USP28: variants seen among roughly 807,000 people sequenced by gnomAD.
USP28 encodes the protein ubiquitin carboxyl-terminal hydrolase 28.
USP28 carries 113 observed loss-of-function variants against 145.0 expected under a neutral mutation model. The observed-to-expected ratio is 0.78, with a 90% CI of 0.67 to 0.91. The LOEUF is 0.91. Among genes scored for constraint, USP28 ranks in the 40% least tolerant of loss-of-function variants. The pLI is 0.00. For missense variants in USP28, 1,201 were observed against 1,289.6 expected (o/e 0.93, Z 1.05); for synonymous variants, 447 against 450.9 (o/e 0.99, Z 0.11).
chr11:113,809,394 CTGA>C, intron 16 of USP28, 140 bp from the exon 17 acceptor site: 1 of 811,936 alleles, frequency 1.2e-6, no homozygotes, highest in South Asian at 1.9e-5. Flanking sequence ...GAAATGCAGG[CTGA>C]GTATCTCTTA....
chr11:113,814,897 A>T (rs1391332269), intron 14 of USP28, among the ~76,000 whole-genome samples: 1 of 151,988 alleles, frequency 6.6e-6, no homozygotes, highest in Admixed American at 6.6e-5. Context: ...AAAAAAAAAA[A>T]AAAAATCAGC....
chr11:113,831,125 A>C, intron 8 of USP28, 182 bp from the exon 9 acceptor site: 1 of 615,682 alleles, frequency 1.6e-6, no homozygotes, highest in Non-Finnish European at 2.9e-6. Context: ...TCTTTCGAGC[A>C]TTGTGCTAAA....
intron 5 of USP28, among the ~76,000 whole-genome samples, chr11:113,837,617 C>T (rs188026707): frequency 6.6e-6 from 1 of 152,302 alleles, no homozygotes; most frequent in East Asian, 1.9e-4. Flanking sequence ...CAGTTCCTTC[C>T]TATCTTCATT....
intron 1 of USP28, among the ~76,000 whole-genome samples, chr11:113,868,399 G>A (rs1384619232): frequency 1.3e-5 from 2 of 150,452 alleles, no homozygotes; most frequent in African/African-American, 2.4e-5. Flanking sequence ...TGCCTATGAG[G>A]GTTCAATGAA....
chr11:113,871,170 C>T (rs1224103021), intron 1 of USP28, among the ~76,000 whole-genome samples: 1 of 152,108 alleles, frequency 6.6e-6, no homozygotes, highest in Non-Finnish European at 1.5e-5. Flanking sequence ...GGTCATTGAA[C>T]ACAGAGCTGG....
chr11:113,854,150 G>T, intron 2 of USP28, 108 bp downstream of exon 2: 3 of 968,024 alleles, frequency 3.1e-6, no homozygotes, highest in Non-Finnish European at 1.6e-6. Context: ...TAGAGCTTCT[G>T]TCCCTATATG....
intron 7 of USP28, 89 bp downstream of exon 7, chr11:113,833,329 TCA>T: frequency 6.6e-7 from 1 of 1,520,812 alleles, no homozygotes; most frequent in South Asian, 1.3e-5. Flanking sequence ...TTAGTCATGT[TCA>T]CAGCTTGTTA....
At chr11:113,862,499 T>C (rs1397934703) in intron 1 of USP28, among the ~76,000 whole-genome samples, 4 of 152,158 alleles carry the variant, frequency 2.6e-5, no homozygotes, top group African/African-American at 9.7e-5. Flanking sequence ...AGAAAAGGCA[T>C]TTAAGTGGAT....
intron 11 of USP28, among the ~76,000 whole-genome samples, chr11:113,826,282 C>CAAAAA (rs59796496): frequency 4.5e-4 from 45 of 99,944 alleles, no homozygotes; most frequent in African/African-American, 1.8e-3. Flanking sequence ...GACTCCTTCT[C>CAAAAA]AAAAAAAAAA....
At chr11:113,860,138 G>A (rs1249290208) in intron 1 of USP28, among the ~76,000 whole-genome samples, 3 of 152,276 alleles carry the variant, frequency 2.0e-5, no homozygotes, top group African/African-American at 7.2e-5. Flanking sequence ...AAAACTCTCT[G>A]ATGAAATAAT....
At chr11:113,863,025 G>T (rs1413399247) in intron 1 of USP28, among the ~76,000 whole-genome samples, 1 of 152,124 alleles carries the variant, frequency 6.6e-6, no homozygotes, top group East Asian at 1.9e-4. Context: ...CACTGTACTG[G>T]AAGTTTAAGC....
chr11:113,839,612 G>A (rs1944963623), intron 5 of USP28, among the ~76,000 whole-genome samples: 1 of 152,172 alleles, frequency 6.6e-6, no homozygotes, highest in South Asian at 2.1e-4. Flanking sequence ...CATTGCGCCA[G>A]GTGCAGCGGC....
At chr11:113,823,792 A>G (rs1942977848) in intron 11 of USP28, 92 bp from the exon 12 acceptor site, 2 of 1,038,542 alleles carry the variant, frequency 1.9e-6, no homozygotes, top group Non-Finnish European at 2.8e-6. Context: ...AACTTCTTCA[A>G]TCAGATATAG....
At position 113,840,677 on chromosome 11, in the gene USP28, T is replaced by C. The variant is rs75828165; in HGVS notation, c.455A>G (p.Asn152Ser). 31 of 1,614,228 alleles carry C rather than the reference T, an allele frequency of 1.9e-5. No homozygotes were observed. In the African/African-American group the frequency reaches 3.5e-4, roughly 18 times the overall value. ...CCAACCATCAACTCTCCTCCAGTCATTGGGATTGGGGTTTTCTCCCCAGAC... is the reference window on the plus strand; with the variant it reads ...CCAACCATCAACTCTCCTCCAGTCACTGGGATTGGGGTTTTCTCCCCAGAC... The change falls in exon 5 of 25, where the codon AAT (asparagine) becomes AGT (serine). Residue 152 changes from asparagine to serine, a missense_variant. Coordinates refer to ENST00000003302, the Ensembl canonical transcript of USP28.
At chr11:113,855,540 T>A (rs567056250) in intron 1 of USP28, among the ~76,000 whole-genome samples, 1 of 152,192 alleles carries the variant, frequency 6.6e-6, no homozygotes, top group Non-Finnish European at 1.5e-5. Context: ...AGAAACAGTA[T>A]CTTATGTTCT....
intron 3 of USP28, among the ~76,000 whole-genome samples, chr11:113,849,667 T>C (rs1946253487): frequency 6.6e-6 from 1 of 152,154 alleles, no homozygotes; most frequent in Non-Finnish European, 1.5e-5. Context: ...ACTGCAACAG[T>C]GCAGAGATGG....
chr11:113,809,446 AT>A (rs1402401247), intron 16 of USP28, among the ~76,000 whole-genome samples, 192 bp from the exon 17 acceptor site: 1 of 152,180 alleles, frequency 6.6e-6, no homozygotes, highest in East Asian at 1.9e-4. Flanking sequence ...TGGACTTCAA[AT>A]TTTTTTCATA....
chr11:113,848,235 G>C (rs111343964), intron 3 of USP28, among the ~76,000 whole-genome samples: 8 of 152,156 alleles, frequency 5.3e-5, no homozygotes, highest in Non-Finnish European at 1.0e-4. Flanking sequence ...AAGGTGGGTG[G>C]ACCAAAGGGA....
At chr11:113,814,459 A>G (rs1236002548) in intron 14 of USP28, among the ~76,000 whole-genome samples, 3 of 152,198 alleles carry the variant, frequency 2.0e-5, no homozygotes, top group African/African-American at 4.8e-5. Context: ...CCAATTTTAC[A>G]TTGTGCATAC....
Sources: gnomAD v4.1 joint callset for allele counts (sites outside exome capture counted in the v4.1 genomes callset) on GRCh38, gnomAD v4.1.1 for gene constraint, MANE v1.5 for transcripts, NCBI Gene and HGNC (gene_info 2026-07-23, HGNC 2026-07-21) for gene names.